Variants in SLC38A6 observed in about 807,000 individuals in gnomAD.
The protein encoded by SLC38A6 is N system amino acid transporter NAT-1.
SLC38A6 carries 73 observed loss-of-function variants against 65.0 expected under a neutral mutation model. That is an observed-to-expected ratio of 1.12 (90% CI 0.93 to 1.37). SLC38A6 has a LOEUF of 1.37. SLC38A6 is among the 40% of genes most tolerant of loss of function. The pLI, the probability that SLC38A6 is intolerant of heterozygous loss-of-function variation, is 0.00. For synonymous variants in SLC38A6, 183 were observed against 178.8 expected (o/e 1.02, Z -0.19); for missense variants, 561 against 531.1 (o/e 1.06, Z -0.55).
chr14:61,013,047 G>A (rs1421611938), intron 3 of SLC38A6, among the ~76,000 whole-genome samples: 5 of 152,192 alleles, frequency 3.3e-5, no homozygotes, highest in Admixed American at 6.5e-5. Flanking sequence ...CTAAGGACTT[G>A]CTTTATGAAT....
chr14:60,992,927 A>T (rs1218843523), intron 3 of SLC38A6, among the ~76,000 whole-genome samples: 3 of 151,018 alleles, frequency 2.0e-5, no homozygotes, highest in Admixed American at 6.6e-5. Flanking sequence ...GCTCGCTGCA[A>T]CCTCTGCCTC....
chr14:61,062,282 A>G (rs1225779376), intron 15 of SLC38A6, among the ~76,000 whole-genome samples: 1 of 152,226 alleles, frequency 6.6e-6, no homozygotes, highest in Non-Finnish European at 1.5e-5. Context: ...TATATTCCAG[A>G]GAGCAGTAAA....
intron 7 of SLC38A6, among the ~76,000 whole-genome samples, 161 bp from the exon 8 acceptor site, chr14:61,037,464 A>T (rs893788669): frequency 1.3e-5 from 2 of 152,188 alleles, no homozygotes; most frequent in African/African-American, 2.4e-5. Flanking sequence ...ACAGAGCTAC[A>T]TAAATGATCT....
At chr14:61,075,777 T>TTGTGTGTGTGTGTGTGTG (rs57421102) in intron 15 of SLC38A6, among the ~76,000 whole-genome samples, 2 of 123,392 alleles carry the variant, frequency 1.6e-5, no homozygotes, top group African/African-American at 3.0e-5. Context: ...ATCAACCTGT[T>TTGTGTGTGTGTGTGTGTG]TGTGTGTGTG....
chr14:61,081,707 C>T (rs1349820916), intron 16 of SLC38A6, among the ~76,000 whole-genome samples: 2 of 152,112 alleles, frequency 1.3e-5, no homozygotes, highest in African/African-American at 4.8e-5. Context: ...TCTCCTGAAT[C>T]CCTAAGTACT....
chr14:61,018,483 A>C (rs969191663), intron 4 of SLC38A6, among the ~76,000 whole-genome samples: 2 of 152,156 alleles, frequency 1.3e-5, no homozygotes, highest in African/African-American at 4.8e-5. Context: ...GTGTAGGCAA[A>C]TGCTGTGCCA....
intron 3 of SLC38A6, among the ~76,000 whole-genome samples, chr14:60,990,433 C>T (rs1053124004): frequency 2.6e-5 from 4 of 152,158 alleles, no homozygotes; most frequent in African/African-American, 9.7e-5. Context: ...GTGACATCTC[C>T]ACTTGGATGT....
chr14:61,078,128 C>T (rs1368783381), intron 15 of SLC38A6, among the ~76,000 whole-genome samples: 3 of 152,190 alleles, frequency 2.0e-5, no homozygotes, highest in Non-Finnish European at 2.9e-5. Context: ...GCATGTGCCA[C>T]ATGCACATGA....
rs747348971 is a variant in SLC38A6, at chr14:60,984,774, A to C, written c.281A>C (p.His94Pro). The change falls in exon 3 of 16, where the codon CAT becomes CCT. Residue 94 changes from histidine to proline, a missense_variant. Transcript: ENST00000267488. ...TVALLASYSV[H>P]LLLSMCIQTA... ...GCTCTCCTGGCTTCTTACTCAGTCCATCTTCTGCTTAGTATGTGTATTCAG... is the reference window on the plus strand; with the variant it reads ...GCTCTCCTGGCTTCTTACTCAGTCCCTCTTCTGCTTAGTATGTGTATTCAG... 6.2e-7 allele frequency: 1 copy of C among 1,613,932 alleles called. No homozygotes were observed. The highest frequency in any genetic ancestry group is 8.5e-7 in the Non-Finnish European group (1 of 1,179,904).
At position 61,050,503 on chromosome 14, in the gene SLC38A6, T is replaced by G; in HGVS notation, c.926-9T>G. The G allele has an allele frequency of 1.3e-6, 2 of 1,494,054 alleles. No individual in the cohort carries two copies. The highest frequency in any genetic ancestry group is 3.6e-4 in the Middle Eastern group (2 of 5,608). The allele number at this position is 1,494,054 out of a possible 1,614,324, so 92.5% of individuals were successfully genotyped here. A position where few individuals can be genotyped will look rare whatever the true frequency, so the allele number is the denominator to read the frequency against. On this transcript the variant is annotated splice_polypyrimidine_tract_variant and intron_variant, in intron 12 of 15. Coordinates refer to ENST00000267488, the MANE Select transcript of SLC38A6 (RefSeq NM_153811.3). The stretch of plus-strand genomic sequence containing the variant: ...CTTTATAATGTGATCCTTATTATTT[T>G]ATTTACAGACAAAGTGGAGTCAGAA...
intron 3 of SLC38A6, among the ~76,000 whole-genome samples, chr14:60,998,086 A>C (rs975565468): frequency 1.3e-5 from 2 of 151,368 alleles, no homozygotes; most frequent in African/African-American, 4.9e-5. Flanking sequence ...TAAATTTAAC[A>C]GTTTAAATAT....
At position 61,041,674 on chromosome 14, in the gene SLC38A6, G is replaced by A. The variant is rs147411149; in HGVS notation, c.625-1473G>A. Among the ~76,000 whole-genome samples the A allele has an allele frequency of 2.5e-3, 380 of 152,226 alleles. 2 individuals are homozygous for A. Among genetic ancestry groups the A allele is most frequent in the African/African-American group, 8.3e-3 (345 of 41,530 alleles). On this transcript the variant is annotated intron_variant, in intron 8 of 15. Coordinates refer to ENST00000267488, the MANE Select transcript of SLC38A6 (RefSeq NM_153811.3). ...CACACTTTGGGAGCCTGGGACAGGC[G>A]GATTACTTGAGCCTAGGAGTTTGAG...
At chr14:60,993,778 C>G (rs1387982049) in intron 3 of SLC38A6, among the ~76,000 whole-genome samples, 3 of 152,212 alleles carry the variant, frequency 2.0e-5, no homozygotes, top group African/African-American at 7.2e-5. Context: ...ATGCATCACA[C>G]TTACGTCAAG....
chr14:61,063,047 C>T (rs969940676), intron 15 of SLC38A6, among the ~76,000 whole-genome samples: 2 of 152,102 alleles, frequency 1.3e-5, no homozygotes, highest in Admixed American at 1.3e-4. Flanking sequence ...CTGTTTTATT[C>T]TCTTAACAGT....
intron 3 of SLC38A6, among the ~76,000 whole-genome samples, chr14:60,993,112 G>A (rs1388408630): frequency 6.6e-6 from 1 of 151,998 alleles, no homozygotes; most frequent in East Asian, 1.9e-4. Flanking sequence ...CCTCCCAAAC[G>A]GTTGGGATTA....
intron 3 of SLC38A6, 114 bp downstream of exon 3, chr14:60,984,917 A>G: frequency 1.0e-6 from 1 of 999,722 alleles, no homozygotes; most frequent in South Asian, 1.4e-5. Flanking sequence ...TTTTTATTAG[A>G]TAGGGTGATC....
At chr14:61,038,604 G>A (rs1402925084) in intron 8 of SLC38A6, among the ~76,000 whole-genome samples, 1 of 152,148 alleles carries the variant, frequency 6.6e-6, no homozygotes, top group Middle Eastern at 3.2e-3. Context: ...CCATATTAAA[G>A]ATCCAGATTT....
intron 8 of SLC38A6, 70 bp from the exon 9 acceptor site, chr14:61,043,077 C>T: frequency 1.1e-6 from 1 of 942,466 alleles, no homozygotes; most frequent in Non-Finnish European, 1.6e-6. Flanking sequence ...TGATACTGAC[C>T]TATTTCAATT....
chr14:61,082,708 C>T (rs1171495170), intron 16 of SLC38A6, among the ~76,000 whole-genome samples: 3 of 152,166 alleles, frequency 2.0e-5, no homozygotes, highest in African/African-American at 7.2e-5. Context: ...CCCCTCTCCT[C>T]AAGGCCCTTT....
Sources: allele counts gnomAD v4.1 joint callset (sites outside exome capture counted in the v4.1 genomes callset), GRCh38; gene constraint gnomAD v4.1.1; transcripts MANE v1.5; gene names NCBI Gene and HGNC (gene_info 2026-07-23, HGNC 2026-07-21).